GPHN: variants seen among roughly 807,000 people sequenced by gnomAD.
GPHN encodes gephyrin.
A neutral mutation model predicts 95.5 loss-of-function variants in GPHN; 17 were observed. That is an observed-to-expected ratio of 0.18 (90% CI 0.12 to 0.27). GPHN has a LOEUF of 0.27. Ranked by LOEUF, GPHN falls within the 10% of genes least tolerant of loss-of-function variation. The pLI is 1.00. For missense variants in GPHN, 660 were observed against 978.1 expected (o/e 0.67, Z 4.34); for synonymous variants, 320 against 322.5 (o/e 0.99, Z 0.08).
the GPHN span, chr14:67,541,937 C>T: frequency 6.2e-7 from 1 of 1,607,262 alleles, no homozygotes; most frequent in Non-Finnish European, 8.5e-7. Flanking sequence ...CCTGGAAACT[C>T]AGCTTTTCCG....
At chr14:66,573,504 G>T (rs566258783) in intron 1 of GPHN, among the ~76,000 whole-genome samples, 2 of 149,844 alleles carry the variant, frequency 1.3e-5, no homozygotes, top group Non-Finnish European at 3.0e-5. Flanking sequence ...CCAGGCTGGA[G>T]CACAGTGGTG....
At chr14:67,182,920 A>C (rs2083344253), downstream of GPHN, among the ~76,000 whole-genome samples, 1 of 143,888 alleles carries the variant, frequency 6.9e-6, no homozygotes, top group East Asian at 2.0e-4. Context: ...GTCCTAGTGC[A>C]CTACAGCCTC....
Position 66,940,757 on chromosome 14 carries a change from A to G in GPHN, c.828+16465A>G, listed in dbSNP as rs553246286. On this transcript the variant is annotated intron_variant, in intron 8 of 22. Transcript: ENST00000478722. ...GTGTTCTTTCCTAGGGCGTTGACCC[A>G]TAGCTTGGAGTTGAGTTTGAGACAA... Among the ~76,000 whole-genome samples, 62 of 152,236 alleles carry G rather than the reference A, an allele frequency of 4.1e-4. No homozygotes were observed. In the South Asian group the frequency reaches 9.3e-3, roughly 23 times the overall value.
chr14:67,073,571 A>G (rs568335341), intron 11 of GPHN, among the ~76,000 whole-genome samples: 1 of 152,310 alleles, frequency 6.6e-6, no homozygotes, highest in Non-Finnish European at 1.5e-5. Context: ...GAATATATGT[A>G]ACACAGATGG....
the GPHN span, among the ~76,000 whole-genome samples, chr14:67,377,772 C>T: frequency 6.6e-6 from 1 of 152,008 alleles, no homozygotes; most frequent in African/African-American, 2.4e-5. Flanking sequence ...TCAACTTTTC[C>T]TTTACTTTCT....
chr14:67,182,456 A>G (rs1459134067), downstream of GPHN, among the ~76,000 whole-genome samples: 1 of 152,250 alleles, frequency 6.6e-6, no homozygotes, highest in Non-Finnish European at 1.5e-5. Context: ...AAGGCAAAAT[A>G]GTAAACAAAT....
chr14:67,606,382 T>C, the GPHN span, among the ~76,000 whole-genome samples: 2 of 152,244 alleles, frequency 1.3e-5, no homozygotes, highest in Non-Finnish European at 2.9e-5. Context: ...AATATCAGGA[T>C]ACTTTTTGTT....
chr14:67,555,442 G>T, the GPHN span, among the ~76,000 whole-genome samples: 2 of 152,302 alleles, frequency 1.3e-5, no homozygotes, highest in African/African-American at 4.8e-5. Context: ...CAGCAGCATG[G>T]CCCCACCTTC....
the GPHN span, chr14:67,348,975 G>T: frequency 6.7e-7 from 1 of 1,487,888 alleles, no homozygotes. Flanking sequence ...TGTATAAACA[G>T]GTTAATTTTA....
At chr14:67,581,299 C>CACAA in the GPHN span, among the ~76,000 whole-genome samples, 1 of 151,746 alleles carries the variant, frequency 6.6e-6, no homozygotes, top group South Asian at 2.1e-4. Flanking sequence ...CACACACACA[C>CACAA]AAACATCTGC....
chr14:66,706,415 C>A lies in GPHN; in HGVS notation c.143+25230C>A, dbSNP rs113340253. On this transcript the variant is annotated intron_variant, in intron 2 of 22. Transcript: ENST00000478722. The stretch of plus-strand genomic sequence containing the variant: ...TCATGCTACCTGACTTCAAACTATA[C>A]TACAAGGCTACAATAATCAAAACAG... Among the ~76,000 whole-genome samples, 11 of 152,258 alleles carry A rather than the reference C, an allele frequency of 7.2e-5. 2 individuals carry two copies. The highest frequency in any genetic ancestry group is 2.6e-4 in the African/African-American group (11 of 41,548).
At chr14:67,332,931 G>A in the GPHN span, 1 of 1,612,226 alleles carries the variant, frequency 6.2e-7, no homozygotes, top group East Asian at 2.2e-5. Flanking sequence ...GAACCTCAGT[G>A]GGTACCATCC....
chr14:66,599,946 A>T (rs946758574), intron 1 of GPHN, among the ~76,000 whole-genome samples: 2 of 152,054 alleles, frequency 1.3e-5, no homozygotes, highest in African/African-American at 2.4e-5. Flanking sequence ...ATGTTGAATT[A>T]TGTCACTTGA....
intron 3 of GPHN, among the ~76,000 whole-genome samples, chr14:66,806,275 G>A (rs747429899): frequency 1.3e-5 from 2 of 152,054 alleles, no homozygotes; most frequent in African/African-American, 4.8e-5. Flanking sequence ...CCCTGGTCCC[G>A]GCCCATAAAA....
the GPHN span, among the ~76,000 whole-genome samples, chr14:67,273,614 T>A: frequency 6.6e-6 from 1 of 152,220 alleles, no homozygotes; most frequent in African/African-American, 2.4e-5. Context: ...GCAGCATGAT[T>A]TATAATCCTT....
chr14:66,763,737 C>G (rs1188197760), intron 2 of GPHN, among the ~76,000 whole-genome samples: 1 of 151,996 alleles, frequency 6.6e-6, no homozygotes, highest in African/African-American at 2.4e-5. Context: ...GGCCATTGAA[C>G]AGTAGTGGTC....
the GPHN span, among the ~76,000 whole-genome samples, chr14:67,424,452 T>A: frequency 6.6e-6 from 1 of 151,496 alleles, no homozygotes; most frequent in Non-Finnish European, 1.5e-5. Context: ...ACCCCATCTC[T>A]ATGAAAAATA....
At chr14:66,850,793 T>C (rs2062549407) in intron 4 of GPHN, among the ~76,000 whole-genome samples, 1 of 152,152 alleles carries the variant, frequency 6.6e-6, no homozygotes, top group African/African-American at 2.4e-5. Context: ...TGCTGGAGGC[T>C]GCGGGTACAT....
chr14:67,564,782 G>A, the GPHN span, among the ~76,000 whole-genome samples: 8 of 150,756 alleles, frequency 5.3e-5, no homozygotes, highest in South Asian at 2.1e-4. Flanking sequence ...TCAACTTCCC[G>A]GGCTCAAGCA....
Sources: allele counts gnomAD v4.1 joint callset (sites outside exome capture counted in the v4.1 genomes callset), GRCh38; gene constraint gnomAD v4.1.1; transcripts MANE v1.5; gene names NCBI Gene and HGNC (gene_info 2026-07-23, HGNC 2026-07-21).